The following CRTC3 variants were observed in gnomAD, a reference collection of about 807,000 sequenced individuals.
CRTC3 encodes CREB-regulated transcription coactivator 3.
CRTC3 carries 26 observed loss-of-function variants against 74.5 expected under a neutral mutation model. The ratio of observed to expected loss-of-function variants is 0.35; its 90% CI spans 0.26 to 0.48. The LOEUF (loss-of-function observed/expected upper bound fraction) is 0.48, where lower values mean the gene tolerates loss of function less well. Among genes scored for constraint, CRTC3 ranks in the 20% least tolerant of loss-of-function variants. CRTC3 has a pLI of 0.99. For synonymous variants in CRTC3, 377 were observed against 325.8 expected (o/e 1.16, Z -1.69); for missense variants, 760 against 787.3 (o/e 0.97, Z 0.41).
chr15:90,598,156 G>C (rs780271589), intron 3 of CRTC3: 1 of 420,834 alleles, frequency 2.4e-6, no homozygotes, highest in Non-Finnish European at 4.4e-6. Flanking sequence ...CAGAGCAGGA[G>C]AGAAATGACT....
chr15:90,638,779 G>T lies in CRTC3; in HGVS notation c.1512G>T (p.Gln504His), dbSNP rs115268220. The T allele has an allele frequency of 6.2e-7, 1 of 1,614,182 alleles. No individual in the cohort carries two copies. Among genetic ancestry groups the T allele is most frequent in the Non-Finnish European group, 8.5e-7 (1 of 1,180,038 alleles). Residue 504 changes from glutamine to histidine, a missense_variant, in exon 13 of 15, where the codon CAG (glutamine) becomes CAT (histidine). Physicochemically the swap from Gln to His is conservative, Grantham distance 24 (BLOSUM62 0). Coordinates refer to ENST00000268184, the MANE Select transcript of CRTC3 (RefSeq NM_022769.5). ...TCTTCCCAGATGTGGGTTTTGACCA[G>T]CAGTCCATGAGGCCAGGCCCTGCCT... ...TNFFPDVGFD[Q>H]QSMRPGPAFP...
chr15:90,570,456 C>CTCTTG (rs1967237212), intron 2 of CRTC3, among the ~76,000 whole-genome samples: 2 of 152,200 alleles, frequency 1.3e-5, no homozygotes, highest in Admixed American at 6.5e-5. Context: ...TGAGCCCTTA[C>CTCTTG]TCTTGACTCC....
At chr15:90,562,671 C>T (rs1288491166) in intron 2 of CRTC3, among the ~76,000 whole-genome samples, 1 of 152,022 alleles carries the variant, frequency 6.6e-6, no homozygotes, top group Non-Finnish European at 1.5e-5. Context: ...ACTTTTAGTC[C>T]AAATCAAACT....
chr15:90,608,542 C>T (rs576780997), intron 6 of CRTC3, among the ~76,000 whole-genome samples: 10 of 152,344 alleles, frequency 6.6e-5, no homozygotes, highest in African/African-American at 1.9e-4. Flanking sequence ...CTTGACCTTC[C>T]TTCCTCTCAG....
At chr15:90,533,169 C>T (rs35382075) in intron 1 of CRTC3, among the ~76,000 whole-genome samples, 61,878 of 140,870 alleles carry the variant, frequency 0.44, 14,925 homozygotes, top group Middle Eastern at 0.57. Flanking sequence ...TTTGGAAGGC[C>T]GAGGCGGGCA....
intron 11 of CRTC3, chr15:90,637,756 T>G (rs908043933): frequency 6.6e-6 from 1 of 152,274 alleles, no homozygotes; most frequent in East Asian, 1.9e-4. Context: ...TTACACAAAC[T>G]GTGACCAGAA....
At chr15:90,556,958 CTATATA>C (rs6145675) in intron 2 of CRTC3, among the ~76,000 whole-genome samples, 2,029 of 130,346 alleles carry the variant, frequency 0.016, 34 homozygotes, top group African/African-American at 0.045. Context: ...CACCACATGG[CTATATA>C]TATATATATA....
chr15:90,543,429 C>T (rs1198463706), intron 2 of CRTC3, among the ~76,000 whole-genome samples: 1 of 151,546 alleles, frequency 6.6e-6, no homozygotes, highest in Non-Finnish European at 1.5e-5. Context: ...AACTTTCAAT[C>T]TATACATTCA....
At chr15:90,556,999 T>TATAA (rs59829442) in intron 2 of CRTC3, among the ~76,000 whole-genome samples, 1 of 132,772 alleles carries the variant, frequency 7.5e-6, no homozygotes, top group East Asian at 2.2e-4. Context: ...TATATATATA[T>TATAA]CTTTATAATA....
At chr15:90,632,977 G>T (rs1037309853) in intron 11 of CRTC3, among the ~76,000 whole-genome samples, 3 of 152,128 alleles carry the variant, frequency 2.0e-5, no homozygotes, top group Admixed American at 1.3e-4. Flanking sequence ...TCCTACCAAT[G>T]AAGATTAGAA....
At chr15:90,532,163 A>T (rs1323098352) in intron 1 of CRTC3, among the ~76,000 whole-genome samples, 1 of 152,212 alleles carries the variant, frequency 6.6e-6, no homozygotes, top group African/African-American at 2.4e-5. Context: ...CTTCTTGGCC[A>T]GTTACCAGTA....
At chr15:90,632,619 T>C (rs1347373016) in intron 11 of CRTC3, among the ~76,000 whole-genome samples, 1 of 152,196 alleles carries the variant, frequency 6.6e-6, no homozygotes, top group Non-Finnish European at 1.5e-5. Flanking sequence ...GTTATTATTA[T>C]TTTGAGACAG....
In CRTC3 at chr15:90,645,209, C is replaced by A. The variant is rs1273705781; in HGVS notation, c.*3069C>A. 2 of 229,416 alleles carry A rather than the reference C, an allele frequency of 8.7e-6. No homozygotes were observed. The highest frequency in any genetic ancestry group is 1.7e-5 in the Non-Finnish European group (2 of 115,442). The allele number at this position is 229,416 out of a possible 1,614,324, so 14.2% of individuals were successfully genotyped here. A position where few individuals can be genotyped will look rare whatever the true frequency, so the allele number is the denominator to read the frequency against. On this transcript the variant is annotated 3_prime_UTR_variant, in exon 15 of 15. Transcript: ENST00000268184. ...TCCCAGCAACTAATCAGACTTCCTG[C>A]CAGTGTCCTAACCCCCAGGGCACCC...
Position 90,641,108 on chromosome 15 carries a change from G to C in CRTC3, c.1560G>C (p.Val520=). The change falls in exon 14 of 15, where the codon GTG becomes GTC. Residue 520 remains valine, a synonymous_variant. Coordinates refer to ENST00000268184, the MANE Select transcript of CRTC3 (RefSeq NM_022769.5). ...GPAFPQQVPL[V]QQGSRELQDS... is the part of the protein sequence containing the mutation. ...TTCGATGCTTCCAGGTGCCTCTGGT[G>C]CAACAAGGTTCCCGAGAACTGCAGG... The C allele has an allele frequency of 6.2e-7, 1 of 1,613,312 alleles. No homozygotes were observed. Among genetic ancestry groups the C allele is most frequent in the Non-Finnish European group, 8.5e-7 (1 of 1,179,346 alleles).
At chr15:90,546,330 G>C (rs1164174150) in intron 2 of CRTC3, among the ~76,000 whole-genome samples, 4 of 152,112 alleles carry the variant, frequency 2.6e-5, no homozygotes, top group Non-Finnish European at 4.4e-5. Context: ...TGGTACCTTT[G>C]TTGAAAATCA....
chr15:90,542,957 A>G (rs1476779149), intron 2 of CRTC3, among the ~76,000 whole-genome samples: 1 of 152,126 alleles, frequency 6.6e-6, no homozygotes, highest in Admixed American at 6.5e-5. Context: ...CATTAGGGAC[A>G]TGATTTTGAT....
Position 90,576,384 on chromosome 15 carries a change from C to T in CRTC3, c.232-17252C>T, listed in dbSNP as rs144248433. Among the ~76,000 whole-genome samples, 1,383 of 152,014 alleles carry T rather than the reference C, an allele frequency of 9.1e-3. 19 individuals carry two copies. The highest frequency in any genetic ancestry group is 0.032 in the African/African-American group (1,320 of 41,446). On this transcript the variant is annotated intron_variant, in intron 2 of 14. Coordinates refer to ENST00000268184, the MANE Select transcript of CRTC3 (RefSeq NM_022769.5). ...CTTTCTGGGTTAGGCCGTCGAGTGG[C>T]GCCATTCCCAGCGATTTGAAACACA...
intron 2 of CRTC3, among the ~76,000 whole-genome samples, chr15:90,546,084 G>T (rs1966843861): frequency 6.6e-6 from 1 of 152,038 alleles, no homozygotes; most frequent in Non-Finnish European, 1.5e-5. Context: ...TTTATGATTT[G>T]TGCTTTTGTC....
intron 2 of CRTC3, among the ~76,000 whole-genome samples, chr15:90,585,012 G>A (rs1007221130): frequency 7.9e-5 from 12 of 152,302 alleles, no homozygotes; most frequent in Admixed American, 5.9e-4. Context: ...TGGAGCCAAC[G>A]TCAATTTGTA....
Sources: gnomAD v4.1 joint callset for allele counts (sites outside exome capture counted in the v4.1 genomes callset) on GRCh38, gnomAD v4.1.1 for gene constraint, MANE v1.5 for transcripts, NCBI Gene and HGNC (gene_info 2026-07-23, HGNC 2026-07-21) for gene names.